The following BRCA2 variants were observed in gnomAD, a reference collection of about 807,000 sequenced individuals.
BRCA2 encodes the protein breast cancer type 2 susceptibility protein.
BRCA2 carries 203 observed loss-of-function variants against 276.7 expected under a neutral mutation model. The observed-to-expected ratio is 0.73, with a 90% CI of 0.65 to 0.82. The LOEUF (loss-of-function observed/expected upper bound fraction) is 0.82. Ranked by LOEUF, BRCA2 falls within the 40% of genes least tolerant of loss-of-function variation. BRCA2 has a pLI of 0.00. For synonymous variants in BRCA2, 1,289 were observed against 1,338.4 expected (o/e 0.96, Z 0.81); for missense variants, 3,920 against 3,915.0 (o/e 1.00, Z -0.03).
intron 4 of BRCA2, 90 bp downstream of exon 4, chr13:32,325,274 A>G (rs1241929806): frequency 2.9e-6 from 3 of 1,052,436 alleles, no homozygotes; most frequent in East Asian, 5.3e-5. Context: ...TTTTATGCTA[A>G]TATTTTGGCT....
chr13:32,386,628 G>T (rs1288421674), intron 24 of BRCA2, among the ~76,000 whole-genome samples: 1 of 152,076 alleles, frequency 6.6e-6, no homozygotes, highest in East Asian at 1.9e-4. Context: ...ACAAAATACT[G>T]GACTTACACT....
In BRCA2 at chr13:32,337,557, G is replaced by A. The variant is rs2072474920; in HGVS notation, c.3202G>A (p.Val1068Ile). 1.2e-6 allele frequency: 2 copies of A among 1,606,996 alleles called. No individual in the cohort carries two copies. The highest frequency in any genetic ancestry group is 1.7e-6 in the Non-Finnish European group (2 of 1,176,448). The stretch of plus-strand genomic sequence containing the variant: ...GAGCAAGCCTCAGTCAATTAATACT[G>A]TATCTGCACATTTACAGAGTAGTGT... ...KLSKPQSINT[V>I]SAHLQSSVVV... The change falls in exon 11 of 27, where the codon GTA becomes ATA. Residue 1068 changes from valine to isoleucine, a missense_variant. By Grantham distance (29) the Val-to-Ile change is conservative. This residue lies in a region of BRCA2 where 3,263 missense variants were observed against 3,156.9 expected (regional missense o/e 1.03). Transcript: ENST00000380152.
chr13:32,375,840 G>T (rs1283074831), intron 20 of BRCA2, among the ~76,000 whole-genome samples: 1 of 151,740 alleles, frequency 6.6e-6, no homozygotes, highest in African/African-American at 2.4e-5. Context: ...GATTACAGGT[G>T]TAAGCCACCG....
rs55800493 is a variant in BRCA2, at chr13:32,332,518, A to G, written c.1040A>G (p.Gln347Arg). 287 of 1,611,792 alleles carry G rather than the reference A, an allele frequency of 1.8e-4. No homozygotes were observed. In the African/African-American group the frequency reaches 3.4e-3, roughly 19 times the overall value. Residue 347 changes from glutamine to arginine, a missense_variant, in exon 10 of 27, where the codon CAA becomes CGA. Gln to Arg is a conservative substitution (Grantham distance 43). Coordinates refer to ENST00000380152, the MANE Select transcript of BRCA2 (RefSeq NM_000059.4). Reference protein sequence around the residue: ...NADECEKSKNQVKEKYSFVSE... With the variant: ...NADECEKSKNRVKEKYSFVSE... ...GATGAATGTGAAAAATCTAAAAACCAAGTGAAAGAAAAATACTCATTTGTA... is the reference window on the plus strand; with the variant it reads ...GATGAATGTGAAAAATCTAAAAACCGAGTGAAAGAAAAATACTCATTTGTA...
At chr13:32,351,422 C>G (rs184938523) in intron 13 of BRCA2, among the ~76,000 whole-genome samples, 5 of 152,346 alleles carry the variant, frequency 3.3e-5, no homozygotes, top group Admixed American at 3.3e-4. Flanking sequence ...TCAGGAAGAA[C>G]AAACTCGGGA....
rs398122755 is a variant in BRCA2 at position 32,337,190 on chromosome 13, A to C, written c.2835A>C (p.Lys945Asn). Residue 945 changes from lysine (K) to asparagine (N), a missense_variant, in exon 11 of 27, where the codon AAA becomes AAC. This residue lies in a region of BRCA2 where 3,263 missense variants were observed against 3,156.9 expected (regional missense o/e 1.03). Transcript: ENST00000380152. Reference sequence around the variant, plus strand: ...AAGCAACCCAAGTGTCAATTAAAAAAGATTTGGTTTATGTTCTTGCAGAGG... The same window carrying C: ...AAGCAACCCAAGTGTCAATTAAAAACGATTTGGTTTATGTTCTTGCAGAGG... The part of the protein sequence containing the change: ...DKQATQVSIK[K>N]DLVYVLAEEN... The C allele has an allele frequency of 6.2e-7, 1 of 1,613,802 alleles. No homozygotes were observed. The highest frequency in any genetic ancestry group is 8.5e-7 in the Non-Finnish European group (1 of 1,179,860).
chr13:32,355,591 G>T (rs770110751), intron 14 of BRCA2, among the ~76,000 whole-genome samples: 4 of 152,166 alleles, frequency 2.6e-5, no homozygotes, highest in Non-Finnish European at 5.9e-5. Context: ...GCCGGGCGTG[G>T]TGGCTCATGC....
Position 32,340,398 on chromosome 13 carries a change from T to G in BRCA2, c.6043T>G (p.Leu2015Val). The G allele has an allele frequency of 6.2e-7, 1 of 1,613,826 alleles. No individual in the cohort carries two copies. The highest frequency in any genetic ancestry group is 1.1e-5 in the South Asian group (1 of 91,080). ...TACCAAGCAAGTCTTTTCCAAAGTATTGTTTAAAAGTAACGAACATTCAGA... is the reference window on the plus strand; with the variant it reads ...TACCAAGCAAGTCTTTTCCAAAGTAGTGTTTAAAAGTAACGAACATTCAGA... ...DSTKQVFSKV[L>V]FKSNEHSDQL... Residue 2015 changes from leucine to valine, a missense_variant, in exon 11 of 27, where the codon TTG becomes GTG. By Grantham distance (32) the Leu-to-Val change is conservative. This residue lies in a region of BRCA2 where 3,263 missense variants were observed against 3,156.9 expected (regional missense o/e 1.03). Transcript: ENST00000380152.
chr13:32,396,430 G>A (rs565724773), intron 25 of BRCA2, among the ~76,000 whole-genome samples: 1 of 152,332 alleles, frequency 6.6e-6, no homozygotes, highest in South Asian at 2.1e-4. Context: ...TCAAGCAACA[G>A]TTTCATGTAG....
intron 19 of BRCA2, 143 bp downstream of exon 19, chr13:32,370,700 C>T (rs2072825587): frequency 2.1e-5 from 21 of 1,007,304 alleles, no homozygotes; most frequent in South Asian, 4.3e-5. Flanking sequence ...CTCCACCTCC[C>T]GGGTTCAAGT....
chr13:32,379,191 A>G (rs1052807362), intron 21 of BRCA2, 126 bp from the exon 22 acceptor site: 7 of 850,894 alleles, frequency 8.2e-6, no homozygotes, highest in African/African-American at 1.7e-5. Flanking sequence ...AACTGATTAC[A>G]TTAACCACAC....
At chr13:32,343,372 T>C (rs1015523471) in intron 11 of BRCA2, among the ~76,000 whole-genome samples, 4 of 152,148 alleles carry the variant, frequency 2.6e-5, no homozygotes, top group Non-Finnish European at 5.9e-5. Context: ...TAAAAATATT[T>C]TAGTTATTAG....
rs397507367 is a variant in BRCA2, at chr13:32,316,522, A to G, written c.62A>G (p.Lys21Arg). The G allele has an allele frequency of 1.1e-5, 17 of 1,613,590 alleles. No homozygotes were observed. In the African/African-American group the frequency reaches 1.2e-4, roughly 11 times the overall value. The change falls in exon 2 of 27, where the codon AAA becomes AGA. Residue 21 changes from lysine (K) to arginine (R), a missense_variant. Transcript: ENST00000380152. ...GAAATTTTTAAGACACGCTGCAACA[A>G]AGCAGGTATTGACAAATTTTATATA... ...FFEIFKTRCN[K>R]ADLGPISLNW...
intron 3 of BRCA2, 128 bp from the exon 4 acceptor site, chr13:32,324,945 CTCT>C: frequency 1.5e-6 from 1 of 678,870 alleles, no homozygotes; most frequent in Non-Finnish European, 2.6e-6. Flanking sequence ...ACTGAAAAAC[CTCT>C]TCTTACAACT....
intron 10 of BRCA2, among the ~76,000 whole-genome samples, chr13:32,334,675 GA>G (rs751202199): frequency 7.9e-4 from 94 of 118,398 alleles, no homozygotes; most frequent in Middle Eastern, 5.1e-3. Flanking sequence ...CCTTGTCCCT[GA>G]AAAAAAAAAA....
At chr13:32,373,298 G>A (rs1395314749) in intron 20 of BRCA2, among the ~76,000 whole-genome samples, 2 of 151,268 alleles carry the variant, frequency 1.3e-5, no homozygotes, top group Non-Finnish European at 2.9e-5. Flanking sequence ...ACAAGGTCAG[G>A]AGTTGAAGAC....
rs2072482404 is a variant in BRCA2, at chr13:32,337,863, G to A, written c.3508G>A (p.Ala1170Thr). ...RDADLHVIMNAPSIGQVDSSK... is the reference protein window; with the variant it reads ...RDADLHVIMNTPSIGQVDSSK... ...TGCTGATCTTCATGTCATAATGAAT[G>A]CCCCATCGATTGGTCAGGTAGACAG... Residue 1170 changes from alanine to threonine, a missense_variant, in exon 11 of 27, where the codon GCC (alanine) becomes ACC (threonine). Transcript: ENST00000380152. 1 of 1,614,056 alleles carries A rather than the reference G, an allele frequency of 6.2e-7. No individual in the cohort carries two copies. Among genetic ancestry groups the A allele is most frequent in the Non-Finnish European group, 8.5e-7 (1 of 1,179,974 alleles).
intron 24 of BRCA2, among the ~76,000 whole-genome samples, chr13:32,393,234 A>T (rs1212001920): frequency 6.8e-6 from 1 of 146,898 alleles, no homozygotes. Context: ...ATCCTATTTC[A>T]CATCAAACTA....
At chr13:32,317,114 G>C (rs1259231619) in intron 2 of BRCA2, among the ~76,000 whole-genome samples, 1 of 152,130 alleles carries the variant, frequency 6.6e-6, no homozygotes, top group African/African-American at 2.4e-5. Flanking sequence ...CAGGAGAATC[G>C]CTTGAACCCT....
Sources: gnomAD v4.1 joint callset for allele counts (sites outside exome capture counted in the v4.1 genomes callset) on GRCh38, gnomAD v4.1.1 for gene constraint, gnomAD v4.1.1 regional missense constraint, MANE v1.5 for transcripts, NCBI Gene and HGNC (gene_info 2026-07-23, HGNC 2026-07-21) for gene names.